Variants in LARGE1 observed in about 807,000 individuals in gnomAD.
The protein encoded by LARGE1 is LARGE xylosyl- and glucuronyltransferase 1.
Under a neutral mutation model 87.6 loss-of-function variants are expected in LARGE1, and 43 were observed. The ratio of observed to expected loss-of-function variants is 0.49; its 90% CI spans 0.38 to 0.63. LARGE1 has a LOEUF of 0.63. Ranked by LOEUF, LARGE1 falls within the 30% of genes least tolerant of loss-of-function variation. LARGE1 has a pLI of 0.00. For synonymous variants in LARGE1, 434 were observed against 394.6 expected, an observed-to-expected ratio of 1.10 and a Z score of -1.18; for missense variants, 802 against 1,000.2, an observed-to-expected ratio of 0.80 and a Z score of 2.67.
At chr22:33,278,553 T>TCTCTCTCTCA (rs1304691630) in intron 13 of LARGE1, among the ~76,000 whole-genome samples, 4 of 148,670 alleles carry the variant, frequency 2.7e-5, no homozygotes, top group African/African-American at 1.0e-4. Flanking sequence ...TCTCTCTCTC[T>TCTCTCTCTCA]CACACACACA....
intron 6 of LARGE1, among the ~76,000 whole-genome samples, chr22:33,493,042 T>C (rs1047373835): frequency 6.6e-6 from 1 of 152,040 alleles, no homozygotes; most frequent in Non-Finnish European, 1.5e-5. Context: ...TTAATGCCTG[T>C]GTAAGTGAGA....
chr22:33,315,996 T>G, intron 11 of LARGE1, 89 bp downstream of exon 11: 1 of 1,437,420 alleles, frequency 7.0e-7, no homozygotes, highest in Non-Finnish European at 9.6e-7. Flanking sequence ...GCAGATGCAC[T>G]GGGAAGCAGG....
At chr22:33,832,931 C>T (rs149281350) in intron 1 of LARGE1, among the ~76,000 whole-genome samples, 1 of 152,194 alleles carries the variant, frequency 6.6e-6, no homozygotes, top group South Asian at 2.1e-4. Flanking sequence ...GCACTACGGG[C>T]CCATCTGGTC....
intron 7 of LARGE1, among the ~76,000 whole-genome samples, chr22:33,417,553 C>T (rs1231534690): frequency 6.6e-6 from 1 of 152,206 alleles, no homozygotes; most frequent in Non-Finnish European, 1.5e-5. Context: ...GCAGCCATAA[C>T]AAAATACTTT....
chr22:33,192,959 C>T (rs566871189), intron 11 of LARGE1, among the ~76,000 whole-genome samples: 27 of 152,176 alleles, frequency 1.8e-4, no homozygotes, highest in African/African-American at 5.1e-4. Flanking sequence ...GTATCTTTGT[C>T]GAAGATCAAT....
intron 1 of LARGE1, among the ~76,000 whole-genome samples, chr22:33,885,752 C>T (rs1218861284): frequency 2.6e-5 from 4 of 152,064 alleles, no homozygotes; most frequent in Admixed American, 6.5e-5. Context: ...AAGATGTGGC[C>T]GGGCGTGGTG....
At chr22:33,269,886 TCCCAGCTACTCGGGA>T (rs1928154447), downstream of LARGE1, among the ~76,000 whole-genome samples, 1 of 151,620 alleles carries the variant, frequency 6.6e-6, no homozygotes, top group African/African-American at 2.4e-5. Context: ...GCGCCTGTAG[TCCCAGCTACTCGGGA>T]GGCTGAGGCA....
At chr22:33,494,124 C>T (rs1602102055) in intron 6 of LARGE1, among the ~76,000 whole-genome samples, 2 of 152,336 alleles carry the variant, frequency 1.3e-5, no homozygotes, top group South Asian at 4.2e-4. Context: ...TTATAGACAG[C>T]ATTGATGCTC....
intron 3 of LARGE1, among the ~76,000 whole-genome samples, chr22:33,646,737 TG>T (rs780994357): frequency 9.2e-5 from 14 of 152,220 alleles, no homozygotes; most frequent in Non-Finnish European, 2.1e-4. Context: ...TGTTTTGTTT[TG>T]TTTTTTTGAG....
At chr22:33,865,180 C>T (rs1022545915) in intron 1 of LARGE1, among the ~76,000 whole-genome samples, 3 of 152,222 alleles carry the variant, frequency 2.0e-5, no homozygotes, top group Admixed American at 2.0e-4. Context: ...TAGCCCAGAA[C>T]CTACTCCCCT....
chr22:33,664,382 T>C (rs960482726), intron 2 of LARGE1, among the ~76,000 whole-genome samples: 2 of 152,210 alleles, frequency 1.3e-5, no homozygotes, highest in African/African-American at 4.8e-5. Flanking sequence ...GTCCCACATG[T>C]ATGTCATTAG....
chr22:33,538,867 T>A (rs2077111317), intron 6 of LARGE1, among the ~76,000 whole-genome samples: 1 of 152,238 alleles, frequency 6.6e-6, no homozygotes, highest in African/African-American at 2.4e-5. Flanking sequence ...GAATGCTTAA[T>A]ACAGAGTTAA....
At chr22:33,713,558 G>A (rs2082806516) in intron 2 of LARGE1, among the ~76,000 whole-genome samples, 2 of 151,994 alleles carry the variant, frequency 1.3e-5, no homozygotes, top group Non-Finnish European at 2.9e-5. Flanking sequence ...CTAATTGGTG[G>A]TTCTGTTGTA....
chr22:33,516,131 C>A (rs969201163), intron 6 of LARGE1, among the ~76,000 whole-genome samples: 1 of 152,148 alleles, frequency 6.6e-6, no homozygotes, highest in African/African-American at 2.4e-5. Flanking sequence ...AGACTGATGG[C>A]GGAGGCCCCT....
chr22:33,886,714 GGAAAAGAGAA>G lies in LARGE1; in HGVS notation c.-83+33271_-83+33280del, dbSNP rs1450781168. 4.1e-5 allele frequency among the ~76,000 whole-genome samples: 6 copies of G among 147,510 alleles called. No individual in the cohort carries two copies. The East Asian group carries it at 8.0e-4, about 20-fold the overall frequency. On this transcript the variant is annotated intron_variant, in intron 1 of 14. Transcript: ENST00000397394. ...GGGAGGGAGGGAAGGAGGGAGGGAG[GGAAAAGAGAA>G]GAAAAGAGAAGAGAAAAACATGTAA...
At chr22:33,279,852 T>A (rs1930087995) in intron 13 of LARGE1, among the ~76,000 whole-genome samples, 1 of 152,214 alleles carries the variant, frequency 6.6e-6, no homozygotes, top group Non-Finnish European at 1.5e-5. Context: ...GCACAGCTGA[T>A]GGCCGTGAAC....
At chr22:33,088,490 A>G in the LARGE1 span, among the ~76,000 whole-genome samples, 1 of 152,200 alleles carries the variant, frequency 6.6e-6, no homozygotes, top group Non-Finnish European at 1.5e-5. Flanking sequence ...CTGTGCCAGT[A>G]GGAAATCTGT....
intron 7 of LARGE1, among the ~76,000 whole-genome samples, chr22:33,420,805 T>C (rs2066664205): frequency 2.0e-5 from 3 of 152,140 alleles, no homozygotes; most frequent in African/African-American, 7.2e-5. Flanking sequence ...AATGCTCAGC[T>C]CCAAATACCT....
chr22:33,387,073 C>G (rs534290753), intron 7 of LARGE1, among the ~76,000 whole-genome samples: 1 of 147,706 alleles, frequency 6.8e-6, no homozygotes, highest in East Asian at 1.9e-4. Flanking sequence ...CACTGTACTC[C>G]AGCCTAGGTA....
Sources: gnomAD v4.1 joint callset for allele counts (sites outside exome capture counted in the v4.1 genomes callset) on GRCh38, gnomAD v4.1.1 for gene constraint, MANE v1.5 for transcripts, NCBI Gene and HGNC (gene_info 2026-07-23, HGNC 2026-07-21) for gene names.